FBXL17: variants seen among roughly 807,000 people sequenced by gnomAD.
The protein encoded by FBXL17 is F-box and leucine rich repeat protein 17, also known as F-box/LRR-repeat protein 17.
A neutral mutation model predicts 66.2 loss-of-function variants in FBXL17; 22 were observed. That is an observed-to-expected ratio of 0.33 (90% confidence interval 0.24 to 0.47). The LOEUF (loss-of-function observed/expected upper bound fraction) is 0.47. Among genes scored for constraint, FBXL17 ranks in the 20% least tolerant of loss-of-function variants. The pLI, the probability that FBXL17 is intolerant of heterozygous loss-of-function variation, is 1.00. For synonymous variants in FBXL17, 474 were observed against 400.5 expected, an observed-to-expected ratio of 1.18 and a Z score of -2.19; for missense variants, 878 against 948.2, an observed-to-expected ratio of 0.93 and a Z score of 0.97.
At chr5:108,204,342 C>G (rs533858609) in intron 5 of FBXL17, among the ~76,000 whole-genome samples, 1 of 152,114 alleles carries the variant, frequency 6.6e-6, no homozygotes, top group African/African-American at 2.4e-5. Context: ...AGGCATACAC[C>G]ACCAAACCCA....
At chr5:108,221,618 TAAC>T (rs1446858224) in intron 5 of FBXL17, among the ~76,000 whole-genome samples, 1 of 152,170 alleles carries the variant, frequency 6.6e-6, no homozygotes, top group East Asian at 1.9e-4. Flanking sequence ...TGATAACTCT[TAAC>T]ACTCTATATC....
At chr5:107,970,348 C>T (rs1233220757) in intron 7 of FBXL17, among the ~76,000 whole-genome samples, 2 of 152,256 alleles carry the variant, frequency 1.3e-5, no homozygotes, top group African/African-American at 2.4e-5. Context: ...AAAATGACCA[C>T]CACATTGCAT....
At chr5:108,157,249 A>C (rs948173591) in intron 6 of FBXL17, among the ~76,000 whole-genome samples, 10 of 151,640 alleles carry the variant, frequency 6.6e-5, no homozygotes, top group African/African-American at 2.2e-4. Flanking sequence ...AAATTAAATA[A>C]ATAAATGAAA....
chr5:107,876,899 G>C (rs1268115378), intron 8 of FBXL17, among the ~76,000 whole-genome samples: 1 of 152,176 alleles, frequency 6.6e-6, no homozygotes, highest in Non-Finnish European at 1.5e-5. Context: ...GCTCTTATTA[G>C]AGTGTCCCGT....
chr5:108,334,996 C>T (rs1760309825), intron 4 of FBXL17, among the ~76,000 whole-genome samples: 1 of 152,142 alleles, frequency 6.6e-6, no homozygotes, highest in Admixed American at 6.5e-5. Context: ...AAATTCTACA[C>T]TATTGGTGTG....
At chr5:108,289,885 G>T (rs897931518) in intron 4 of FBXL17, among the ~76,000 whole-genome samples, 1 of 152,082 alleles carries the variant, frequency 6.6e-6, no homozygotes, top group African/African-American at 2.4e-5. Flanking sequence ...TAAAATTATT[G>T]CAGGAGATAC....
At chr5:108,369,161 A>G (rs1050500430) in intron 1 of FBXL17, among the ~76,000 whole-genome samples, 1 of 152,186 alleles carries the variant, frequency 6.6e-6, no homozygotes, top group East Asian at 1.9e-4. Flanking sequence ...ATGCAGGTTC[A>G]CTGAGTCAGA....
chr5:108,152,671 C>T (rs1216185977), intron 6 of FBXL17, among the ~76,000 whole-genome samples: 6 of 151,902 alleles, frequency 3.9e-5, no homozygotes, highest in Admixed American at 2.0e-4. Context: ...ATACAAAGTA[C>T]CATAGAGAGA....
chr5:108,149,938 T>C (rs1454674162), intron 6 of FBXL17, among the ~76,000 whole-genome samples: 2 of 152,188 alleles, frequency 1.3e-5, no homozygotes, highest in East Asian at 1.9e-4. Context: ...ACCTTATATG[T>C]GGTTAAAAAC....
At chr5:108,310,123 G>A (rs1759046720) in intron 4 of FBXL17, among the ~76,000 whole-genome samples, 1 of 152,004 alleles carries the variant, frequency 6.6e-6, no homozygotes, top group Non-Finnish European at 1.5e-5. Flanking sequence ...GGGTAATTCA[G>A]GTCTTCCTAA....
At chr5:108,018,773 C>T (rs904058069) in intron 7 of FBXL17, among the ~76,000 whole-genome samples, 2 of 152,070 alleles carry the variant, frequency 1.3e-5, no homozygotes, top group Non-Finnish European at 2.9e-5. Flanking sequence ...TTTTCACTTC[C>T]GATTCCGCTC....
At chr5:108,318,224 T>C (rs1759460696) in intron 4 of FBXL17, among the ~76,000 whole-genome samples, 1 of 151,708 alleles carries the variant, frequency 6.6e-6, no homozygotes. Flanking sequence ...ATACCCAGCA[T>C]ACTGTACTCA....
intron 6 of FBXL17, among the ~76,000 whole-genome samples, chr5:108,061,602 C>T (rs992634810): frequency 1.4e-4 from 21 of 152,022 alleles, no homozygotes; most frequent in East Asian, 1.9e-4. Flanking sequence ...AAGTATTAAA[C>T]GAATAGTCAG....
Position 108,381,829 on chromosome 5 carries a change from G to A in FBXL17, c.-138C>T, listed in dbSNP as rs1580942778. ...TCCTGCGCACACACACGCACACACG[G>A]GCACACACGCGACGGTGGGGGGTGG... On this transcript the variant is annotated 5_prime_UTR_variant, in exon 1 of 9. Transcript: ENST00000542267. 1.5e-6 allele frequency: 2 copies of A among 1,304,336 alleles called. No homozygotes were observed. The highest frequency in any genetic ancestry group is 1.9e-6 in the Non-Finnish European group (2 of 1,027,288). The allele number at this position is 1,304,336 out of a possible 1,614,324, so 80.8% of individuals were successfully genotyped here. A position where few individuals can be genotyped will look rare whatever the true frequency, so the allele number is the denominator to read the frequency against.
intron 7 of FBXL17, among the ~76,000 whole-genome samples, chr5:107,957,730 T>C (rs1751719109): frequency 6.6e-6 from 1 of 152,172 alleles, no homozygotes; most frequent in South Asian, 2.1e-4. Flanking sequence ...ATAGAAAAAG[T>C]AAGCACTTTC....
At chr5:107,896,233 C>T (rs1220415886) in intron 7 of FBXL17, among the ~76,000 whole-genome samples, 2 of 151,836 alleles carry the variant, frequency 1.3e-5, no homozygotes, top group African/African-American at 2.4e-5. Flanking sequence ...GAGTCAATAA[C>T]GTTGAGAAAT....
chr5:108,297,541 C>G (rs1044844665), intron 4 of FBXL17, among the ~76,000 whole-genome samples: 3 of 151,488 alleles, frequency 2.0e-5, no homozygotes, highest in African/African-American at 7.3e-5. Flanking sequence ...ATCAAAAATC[C>G]AATGCATAAA....
intron 6 of FBXL17, among the ~76,000 whole-genome samples, chr5:108,023,658 C>A (rs1208154212): frequency 6.6e-6 from 1 of 152,160 alleles, no homozygotes; most frequent in East Asian, 1.9e-4. Flanking sequence ...AGTCTGTGAA[C>A]ATACTTACTT....
intron 4 of FBXL17, among the ~76,000 whole-genome samples, chr5:108,251,800 T>C (rs1000612969): frequency 2.0e-5 from 3 of 152,152 alleles, no homozygotes; most frequent in African/African-American, 4.8e-5. Context: ...TTTTATTCTT[T>C]ATATAAATAA....
Sources: gnomAD v4.1 joint callset for allele counts (sites outside exome capture counted in the v4.1 genomes callset) on GRCh38, gnomAD v4.1.1 for gene constraint, MANE v1.5 for transcripts, NCBI Gene and HGNC (gene_info 2026-07-23, HGNC 2026-07-21) for gene names.